The following BAIAP2L1 variants were observed in gnomAD, a reference collection of about 807,000 sequenced individuals.
BAIAP2L1 encodes the protein BAR/IMD domain-containing adapter protein 2-like 1.
Under a neutral mutation model 66.3 loss-of-function variants are expected in BAIAP2L1, and 35 were observed. The ratio of observed to expected loss-of-function variants is 0.53; its 90% confidence interval spans 0.40 to 0.70. BAIAP2L1 has a LOEUF of 0.70. Among genes scored for constraint, BAIAP2L1 ranks in the 30% least tolerant of loss-of-function variants. The pLI is 0.00. For missense variants in BAIAP2L1, 622 were observed against 656.9 expected, an observed-to-expected ratio of 0.95 and a Z score of 0.58; for synonymous variants, 269 against 248.7, an observed-to-expected ratio of 1.08 and a Z score of -0.77.
At chr7:98,358,795 A>G (rs74692666) in intron 2 of BAIAP2L1, among the ~76,000 whole-genome samples, 1 of 152,178 alleles carries the variant, frequency 6.6e-6, no homozygotes, top group Non-Finnish European at 1.5e-5. Context: ...CCCACTGCCC[A>G]TGAGGTAAGG....
intron 1 of BAIAP2L1, among the ~76,000 whole-genome samples, chr7:98,383,188 A>AC (rs939580742): frequency 7.2e-6 from 1 of 139,776 alleles, no homozygotes; most frequent in East Asian, 2.5e-4. Flanking sequence ...AAACAAACAA[A>AC]CAAAAAAAAG....
At chr7:98,308,128 C>A (rs1286800090) in intron 9 of BAIAP2L1, 3 of 656,144 alleles carry the variant, frequency 4.6e-6, no homozygotes, top group Non-Finnish European at 8.4e-6. Flanking sequence ...AGAAGAGGAT[C>A]CCTGCGGCTG....
intron 2 of BAIAP2L1, among the ~76,000 whole-genome samples, chr7:98,355,759 C>T (rs1159518428): frequency 6.6e-6 from 1 of 151,958 alleles, no homozygotes; most frequent in East Asian, 1.9e-4. Context: ...GAAGATACAT[C>T]CTCTCCAGCC....
intron 3 of BAIAP2L1, among the ~76,000 whole-genome samples, chr7:98,340,466 T>C (rs1801715135): frequency 6.6e-6 from 1 of 152,006 alleles, no homozygotes; most frequent in Admixed American, 6.6e-5. Flanking sequence ...TTTTTGTATA[T>C]TTAGTAGAGA....
intron 1 of BAIAP2L1, chr7:98,386,361 T>C: frequency 1.3e-6 from 2 of 1,595,140 alleles, no homozygotes; most frequent in African/African-American, 1.3e-5. Context: ...TTCATCATTC[T>C]GCAAATCAGC....
rs149329287 is a variant in BAIAP2L1 at position 98,298,927 on chromosome 7, G to A, written c.1423-4816C>T. On this transcript the variant is annotated intron_variant, in intron 12 of 13. Coordinates refer to ENST00000005260, the MANE Select transcript of BAIAP2L1 (RefSeq NM_018842.5). The stretch of plus-strand genomic sequence containing the variant: ...CACAATGACAGCTCACTGCAGCCTC[G>A]ACCTCCTGGGCTCAATCGATCCTCT... 3.9e-3 allele frequency among the ~76,000 whole-genome samples: 590 copies of A among 151,976 alleles called. 8 individuals carry two copies. Among genetic ancestry groups the A allele is most frequent in the African/African-American group, 0.013 (559 of 41,504 alleles).
chr7:98,323,090 C>T (rs1801293643), intron 3 of BAIAP2L1: 1 of 152,228 alleles, frequency 6.6e-6, no homozygotes, highest in African/African-American at 2.4e-5. Context: ...AGGGCTCCAC[C>T]CTCCGAGTAA....
At chr7:98,352,782 T>A (rs1024193983) in intron 3 of BAIAP2L1, among the ~76,000 whole-genome samples, 6 of 152,208 alleles carry the variant, frequency 3.9e-5, no homozygotes, top group African/African-American at 1.4e-4. Flanking sequence ...TGGAAATAGC[T>A]GTTTCAACAT....
intron 12 of BAIAP2L1, among the ~76,000 whole-genome samples, chr7:98,294,961 T>TCCTG (rs1554408900): frequency 6.6e-6 from 1 of 152,150 alleles, no homozygotes; most frequent in Non-Finnish European, 1.5e-5. Context: ...TAACACTCTT[T>TCCTG]CCTGCCTGCA....
chr7:98,387,071 C>A (rs1474415004), intron 1 of BAIAP2L1, among the ~76,000 whole-genome samples: 2 of 152,148 alleles, frequency 1.3e-5, no homozygotes, highest in Non-Finnish European at 1.5e-5. Flanking sequence ...GCGTATTAAG[C>A]TTTTCCTTCT....
Position 98,394,237 on chromosome 7 carries a change from T to C in BAIAP2L1, c.51+6565A>G, listed in dbSNP as rs551266881. ...CAGCCTGGGCGACAGGGAGACTCCG[T>C]CTCAAAAACAAACAAACAAACAAAA... On this transcript the variant is annotated intron_variant, in intron 1 of 13. Transcript: ENST00000005260. Among the ~76,000 whole-genome samples, 6 of 54,490 alleles carry C rather than the reference T, an allele frequency of 1.1e-4. No individual in the cohort carries two copies. In the East Asian group the frequency reaches 3.7e-3, roughly 34 times the overall value. The allele number at this position is 54,490 out of a possible 152,430, so 35.7% of individuals were successfully genotyped here. A position where few individuals can be genotyped will look rare whatever the true frequency, so the allele number is the denominator to read the frequency against.
intron 3 of BAIAP2L1, among the ~76,000 whole-genome samples, chr7:98,325,478 G>A (rs1801359437): frequency 6.6e-6 from 1 of 152,034 alleles, no homozygotes; most frequent in African/African-American, 2.4e-5. Flanking sequence ...AGTAGTTTGA[G>A]ACCAGCCTGG....
chr7:98,327,436 G>A (rs1446592722), intron 3 of BAIAP2L1, among the ~76,000 whole-genome samples: 1 of 152,078 alleles, frequency 6.6e-6, no homozygotes, highest in African/African-American at 2.4e-5. Flanking sequence ...CACTTTTGGA[G>A]GCCAAGGCAG....
intron 2 of BAIAP2L1, among the ~76,000 whole-genome samples, chr7:98,359,296 CAG>C (rs1245988136): frequency 2.1e-5 from 3 of 142,338 alleles, no homozygotes; most frequent in Non-Finnish European, 4.5e-5. Context: ...TTTTTTGAGA[CAG>C]AGTCTTGCTC....
intron 12 of BAIAP2L1, among the ~76,000 whole-genome samples, 165 bp downstream of exon 12, chr7:98,304,031 G>C (rs1800532756): frequency 6.6e-6 from 1 of 152,174 alleles, no homozygotes; most frequent in Non-Finnish European, 1.5e-5. Context: ...ACAAAGAAGG[G>C]AATCTAGAGG....
At chr7:98,307,609 C>T (rs1310800234) in intron 10 of BAIAP2L1, 80 bp downstream of exon 10, 39 of 1,576,042 alleles carry the variant, frequency 2.5e-5, no homozygotes, top group Admixed American at 1.1e-4. Context: ...AGCATGTCCA[C>T]GAAGACAGTT....
chr7:98,333,851 G>A (rs1380453412), intron 3 of BAIAP2L1, among the ~76,000 whole-genome samples: 1 of 151,182 alleles, frequency 6.6e-6, no homozygotes, highest in Non-Finnish European at 1.5e-5. Context: ...CTCCACGATG[G>A]TGCCAAGGCT....
chr7:98,347,757 G>A (rs951970285), intron 3 of BAIAP2L1, among the ~76,000 whole-genome samples: 3 of 151,614 alleles, frequency 2.0e-5, no homozygotes, highest in African/African-American at 4.8e-5. Flanking sequence ...CTGCCCGGGC[G>A]ACAGAGCGAA....
chr7:98,378,310 T>A (rs138903481), intron 1 of BAIAP2L1, among the ~76,000 whole-genome samples: 2 of 152,254 alleles, frequency 1.3e-5, no homozygotes, highest in East Asian at 3.9e-4. Flanking sequence ...CTCGTGTCCA[T>A]CATAAGTGAA....
Sources: gnomAD v4.1 joint callset for allele counts (sites outside exome capture counted in the v4.1 genomes callset) on GRCh38, gnomAD v4.1.1 for gene constraint, MANE v1.5 for transcripts, NCBI Gene and HGNC (gene_info 2026-07-23, HGNC 2026-07-21) for gene names.